The following COL21A1 variants were observed in gnomAD, a reference collection of about 807,000 sequenced individuals.
COL21A1 encodes the protein collagen type XXI alpha 1 chain.
COL21A1 carries 149 observed loss-of-function variants against 137.9 expected under a neutral mutation model. That is an observed-to-expected ratio of 1.08 (90% CI 0.95 to 1.24). COL21A1 has a LOEUF of 1.24. COL21A1 is among the 50% of genes most tolerant of loss of function. The pLI is 0.00. For synonymous variants in COL21A1, 456 were observed against 391.5 expected (o/e 1.16, Z -1.95); for missense variants, 1,167 against 1,158.4 (o/e 1.01, Z -0.11).
intron 1 of COL21A1, among the ~76,000 whole-genome samples, chr6:56,295,716 TTTTAAC>T (rs2152336333): frequency 6.6e-6 from 1 of 151,874 alleles, no homozygotes; most frequent in African/African-American, 2.4e-5. Flanking sequence ...AGTATTATAT[TTTTAAC>T]TTTAAATTTC....
chr6:56,287,829 G>C (rs1442769523), intron 1 of COL21A1, among the ~76,000 whole-genome samples: 1 of 152,056 alleles, frequency 6.6e-6, no homozygotes, highest in Non-Finnish European at 1.5e-5. Flanking sequence ...ACAAGTAGAA[G>C]AGGGAGAGAG....
intron 1 of COL21A1, among the ~76,000 whole-genome samples, chr6:56,392,467 T>C (rs538060630): frequency 8.5e-4 from 130 of 152,210 alleles, no homozygotes; most frequent in African/African-American, 3.0e-3. Context: ...TACTGTTTTT[T>C]CAACATGTTC....
intron 12 of COL21A1, among the ~76,000 whole-genome samples, chr6:56,133,081 G>A (rs1404635155): frequency 1.3e-5 from 2 of 152,194 alleles, no homozygotes; most frequent in Non-Finnish European, 2.9e-5. Context: ...CAAAAATGTG[G>A]AAGCAACTTT....
At chr6:56,165,620 T>C (rs574517840) in intron 7 of COL21A1, among the ~76,000 whole-genome samples, 5 of 152,224 alleles carry the variant, frequency 3.3e-5, no homozygotes, top group Non-Finnish European at 5.9e-5. Flanking sequence ...AAACAGTTAT[T>C]TATCTAGAAA....
intron 1 of COL21A1, among the ~76,000 whole-genome samples, chr6:56,380,141 TG>T (rs1442088596): frequency 1.8e-4 from 28 of 152,166 alleles, no homozygotes; most frequent in Non-Finnish European, 4.0e-4. Flanking sequence ...ACACGAGAGC[TG>T]GTTGTTTACA....
At chr6:56,370,339 C>T (rs80349596) in intron 1 of COL21A1, among the ~76,000 whole-genome samples, 1,732 of 152,284 alleles carry the variant, frequency 0.011, 45 homozygotes, top group African/African-American at 0.039. Flanking sequence ...TCTGAGCACA[C>T]ACCGTGAGAA....
chr6:56,296,797 T>G (rs1764172577), intron 1 of COL21A1, among the ~76,000 whole-genome samples: 2 of 151,946 alleles, frequency 1.3e-5, no homozygotes, highest in Non-Finnish European at 2.9e-5. Context: ...CAAGTGTCCA[T>G]AAAACACTTG....
At chr6:56,209,518 C>G (rs1780017726) in intron 1 of COL21A1, among the ~76,000 whole-genome samples, 1 of 152,090 alleles carries the variant, frequency 6.6e-6, no homozygotes, top group South Asian at 2.1e-4. Flanking sequence ...AACCAACAAG[C>G]ATATGAAAAA....
At chr6:56,372,713 TTGTC>T (rs376137343) in intron 1 of COL21A1, among the ~76,000 whole-genome samples, 29 of 152,300 alleles carry the variant, frequency 1.9e-4, no homozygotes, top group African/African-American at 6.7e-4. Flanking sequence ...CATCTGGGCT[TTGTC>T]TGTCTCTCCA....
chr6:56,124,018 C>CA, intron 16 of COL21A1, 44 bp downstream of exon 16: 1 of 1,438,020 alleles, frequency 7.0e-7, no homozygotes, highest in Non-Finnish European at 9.2e-7. Flanking sequence ...TCTCAAGATA[C>CA]AAAAATCTTT....
intron 1 of COL21A1, among the ~76,000 whole-genome samples, chr6:56,346,521 A>G (rs560221366): frequency 3.3e-5 from 5 of 152,288 alleles, no homozygotes; most frequent in African/African-American, 1.2e-4. Flanking sequence ...CAATATTTAA[A>G]CTCATCTCTT....
intron 19 of COL21A1, among the ~76,000 whole-genome samples, chr6:56,075,185 T>C (rs550575142): frequency 6.6e-6 from 1 of 151,590 alleles, no homozygotes; most frequent in African/African-American, 2.4e-5. Context: ...GACTTAATGG[T>C]ACTTAGTATT....
At chr6:56,190,283 C>A (rs900934473) in intron 1 of COL21A1, among the ~76,000 whole-genome samples, 2 of 152,134 alleles carry the variant, frequency 1.3e-5, no homozygotes, top group Non-Finnish European at 2.9e-5. Flanking sequence ...CACAGAAATA[C>A]AAACTACCAT....
chr6:56,191,491 C>T (rs867681305), intron 1 of COL21A1, among the ~76,000 whole-genome samples: 1 of 149,402 alleles, frequency 6.7e-6, no homozygotes, highest in Middle Eastern at 3.6e-3. Flanking sequence ...ACCGGGGAGG[C>T]TGAGGCAGGA....
intron 1 of COL21A1, among the ~76,000 whole-genome samples, chr6:56,354,247 CAG>C (rs1424258429): frequency 6.6e-6 from 1 of 152,160 alleles, no homozygotes; most frequent in Non-Finnish European, 1.5e-5. Flanking sequence ...AAAGGGCAAA[CAG>C]TGTGTTGGTA....
chr6:56,098,688 A>AAT lies in COL21A1; in HGVS notation c.1812+2782_1812+2783dup, dbSNP rs1293221587. On this transcript the variant is annotated intron_variant, in intron 17 of 29. Transcript: ENST00000244728. Reference sequence around the variant, plus strand: ...ATAAATATATATATAAATATATATAAATATATAAATATATATATAAATATA... The same window carrying AAT: ...ATAAATATATATATAAATATATATAAATATATATAAATATATATATAAATATA... 3.4e-4 allele frequency among the ~76,000 whole-genome samples: 13 copies of AAT among 38,026 alleles called. 2 individuals are homozygous for AAT. In the South Asian group the frequency reaches 4.9e-3, roughly 14 times the overall value. 24.9% of individuals were successfully genotyped at this position (38,026 alleles called of 152,430 possible). A position where few individuals can be genotyped will look rare whatever the true frequency, so the allele number is the denominator to read the frequency against.
At chr6:56,323,808 A>G (rs1204053881) in intron 1 of COL21A1, among the ~76,000 whole-genome samples, 4 of 152,164 alleles carry the variant, frequency 2.6e-5, no homozygotes, top group Non-Finnish European at 5.9e-5. Context: ...TATTTACTTA[A>G]GCATTCGGTG....
Position 56,060,935 on chromosome 6 carries a change from C to A in COL21A1, c.2308G>T (p.Gly770Trp), listed in dbSNP as rs781322450. ...MGPAGPKGQPGDPGPQGPPGL... is the reference protein window; with the variant it reads ...MGPAGPKGQPWDPGPQGPPGL... ...GGGGGTCCCTGAGGACCTGGATCCC[C>A]AGGTTGCCCCTTAGGACCTGCGGGC... Residue 770 changes from glycine to tryptophan, a missense_variant, in exon 26 of 30, where the codon GGG becomes TGG. Transcript: ENST00000244728. 4 of 1,583,252 alleles carry A rather than the reference C, an allele frequency of 2.5e-6. No homozygotes were observed. The African/African-American group carries it at 5.5e-5, about 22-fold the overall frequency.
intron 16 of COL21A1, among the ~76,000 whole-genome samples, chr6:56,123,490 G>A (rs1231877632): frequency 6.6e-6 from 1 of 152,176 alleles, no homozygotes; most frequent in Non-Finnish European, 1.5e-5. Context: ...ACATCCCTAT[G>A]TCCAATGATT....
Sources: allele counts gnomAD v4.1 joint callset (sites outside exome capture counted in the v4.1 genomes callset), GRCh38; gene constraint gnomAD v4.1.1; transcripts MANE v1.5; gene names NCBI Gene and HGNC (gene_info 2026-07-23, HGNC 2026-07-21).